PELI2: variants seen among roughly 807,000 people sequenced by gnomAD.
PELI2 encodes the protein E3 ubiquitin-protein ligase pellino homolog 2.
PELI2 carries 23 observed loss-of-function variants against 42.3 expected under a neutral mutation model. That is an observed-to-expected ratio of 0.54 (90% CI 0.39 to 0.77). The LOEUF (loss-of-function observed/expected upper bound fraction) is 0.77. PELI2 is among the 30% of genes least tolerant of loss of function. PELI2 has a pLI of 0.00. For missense variants in PELI2, 463 were observed against 553.2 expected (o/e 0.84, Z 1.64); for synonymous variants, 245 against 212.2 (o/e 1.15, Z -1.34).
At chr14:56,263,521 A>G (rs1161651066) in intron 2 of PELI2, among the ~76,000 whole-genome samples, 3 of 152,176 alleles carry the variant, frequency 2.0e-5, no homozygotes, top group Admixed American at 6.6e-5. Flanking sequence ...TATTCTGACA[A>G]TGTAGAAATA....
intron 2 of PELI2, among the ~76,000 whole-genome samples, chr14:56,198,289 A>C (rs537400159): frequency 6.6e-6 from 1 of 152,284 alleles, no homozygotes; most frequent in Middle Eastern, 3.4e-3. Context: ...AATTGGATAC[A>C]TGAATCTGGA....
At position 56,160,239 on chromosome 14, in the gene PELI2, C is replaced by A. The variant is rs569403525; in HGVS notation, c.78-18096C>A. ...TGTGAGCTAGTTAACTCTGCCCTTA[C>A]CTCCCCACACCACACTGTCCCAGAA... On this transcript the variant is annotated intron_variant, in intron 1 of 5. Coordinates refer to ENST00000267460, the MANE Select transcript of PELI2 (RefSeq NM_021255.3). Among the ~76,000 whole-genome samples the A allele has an allele frequency of 3.3e-3, 502 of 152,200 alleles. 1 individual carries two copies. The highest frequency in any genetic ancestry group is 6.0e-3 in the Non-Finnish European group (409 of 68,016).
chr14:56,264,744 A>G (rs1014976908), intron 2 of PELI2, among the ~76,000 whole-genome samples: 3 of 152,188 alleles, frequency 2.0e-5, no homozygotes, highest in Admixed American at 2.0e-4. Context: ...TAAGTGAGGT[A>G]TTTTTAAACA....
intron 1 of PELI2, among the ~76,000 whole-genome samples, chr14:56,123,642 G>A (rs543006407): frequency 6.6e-6 from 1 of 152,270 alleles, no homozygotes; most frequent in South Asian, 2.1e-4. Flanking sequence ...AACACACCAA[G>A]ACTGAAAGCT....
At chr14:56,258,398 A>G (rs566393328) in intron 2 of PELI2, among the ~76,000 whole-genome samples, 22 of 152,318 alleles carry the variant, frequency 1.4e-4, no homozygotes, top group Middle Eastern at 3.4e-3. Context: ...AAATAAATCA[A>G]TAGAAACAAA....
intron 2 of PELI2, among the ~76,000 whole-genome samples, chr14:56,276,728 T>C (rs1232534342): frequency 1.3e-5 from 2 of 152,204 alleles, no homozygotes. Flanking sequence ...ATCACAGCCC[T>C]TGGCTAGTAC....
chr14:56,205,095 C>T (rs61989893), intron 2 of PELI2, among the ~76,000 whole-genome samples: 34 of 151,072 alleles, frequency 2.3e-4, no homozygotes, highest in Non-Finnish European at 3.1e-4. Context: ...ACTCAGGCTG[C>T]GAGAGGTCAG....
chr14:56,162,025 G>T (rs1884783404), intron 1 of PELI2, among the ~76,000 whole-genome samples: 1 of 151,946 alleles, frequency 6.6e-6, no homozygotes, highest in African/African-American at 2.4e-5. Flanking sequence ...TATATTTAGG[G>T]GTACATGAGA....
intron 2 of PELI2, among the ~76,000 whole-genome samples, chr14:56,278,807 T>G (rs1447745926): frequency 6.6e-6 from 1 of 152,178 alleles, no homozygotes; most frequent in Non-Finnish European, 1.5e-5. Context: ...ATAGAAAAGC[T>G]TATTAAAATT....
At chr14:56,158,776 A>G (rs1884656727) in intron 1 of PELI2, among the ~76,000 whole-genome samples, 1 of 152,228 alleles carries the variant, frequency 6.6e-6, no homozygotes, top group African/African-American at 2.4e-5. Flanking sequence ...AAAATTGATC[A>G]TTAGAGATTA....
At chr14:56,164,975 T>C (rs1193371147) in intron 1 of PELI2, among the ~76,000 whole-genome samples, 1 of 151,944 alleles carries the variant, frequency 6.6e-6, no homozygotes, top group Non-Finnish European at 1.5e-5. Flanking sequence ...TGGTTTTTTT[T>C]TTTCAAAAAA....
chr14:56,264,972 T>TA (rs1449204175), intron 2 of PELI2, among the ~76,000 whole-genome samples: 3 of 152,142 alleles, frequency 2.0e-5, no homozygotes, highest in Non-Finnish European at 2.9e-5. Context: ...CAGAAACTTA[T>TA]AAAAACATTG....
At chr14:56,279,618 G>A in intron 2 of PELI2, 58 bp from the exon 3 acceptor site, 1 of 994,588 alleles carries the variant, frequency 1.0e-6, no homozygotes, top group South Asian at 1.4e-5. Flanking sequence ...ACTACAGGCA[G>A]AATTGATAAG....
chr14:56,170,545 G>A (rs115810895), intron 1 of PELI2, among the ~76,000 whole-genome samples: 338 of 152,258 alleles, frequency 2.2e-3, no homozygotes, highest in African/African-American at 7.8e-3. Context: ...TGTAGCTTTA[G>A]GTTCTGCCTG....
intron 1 of PELI2, among the ~76,000 whole-genome samples, chr14:56,136,900 T>C (rs138103355): frequency 6.6e-6 from 1 of 152,202 alleles, no homozygotes; most frequent in Non-Finnish European, 1.5e-5. Context: ...AGGATACATG[T>C]GGAGAAAAAC....
At chr14:56,134,146 A>C (rs1305008448) in intron 1 of PELI2, among the ~76,000 whole-genome samples, 1 of 152,212 alleles carries the variant, frequency 6.6e-6, no homozygotes, top group Non-Finnish European at 1.5e-5. Context: ...TCTGGTTATA[A>C]AGTGAGATGG....
intron 2 of PELI2, among the ~76,000 whole-genome samples, chr14:56,228,214 T>A (rs1887431042): frequency 6.6e-6 from 1 of 152,208 alleles, no homozygotes; most frequent in Non-Finnish European, 1.5e-5. Context: ...GCATTTCTAG[T>A]TTGTGACAGG....
chr14:56,183,488 A>G (rs1341198440), intron 2 of PELI2, among the ~76,000 whole-genome samples: 1 of 152,170 alleles, frequency 6.6e-6, no homozygotes, highest in Non-Finnish European at 1.5e-5. Flanking sequence ...GTTTAAAATA[A>G]TTTTCTGACA....
chr14:56,209,973 ATCT>A lies in PELI2; in HGVS notation c.207+31511_207+31513del, dbSNP rs140757971. ...AGTTAAACCCAGGATTCATGATTGG[ATCT>A]TGGACTGGAGGAAATGCAAATGATA... On this transcript the variant is annotated intron_variant, in intron 2 of 5. Transcript: ENST00000267460. 1.4e-3 allele frequency among the ~76,000 whole-genome samples: 207 copies of A among 152,332 alleles called. 3 individuals carry two copies. The East Asian group carries it at 0.03, about 22-fold the overall frequency.
Sources: gnomAD v4.1 joint callset for allele counts (sites outside exome capture counted in the v4.1 genomes callset) on GRCh38, gnomAD v4.1.1 for gene constraint, MANE v1.5 for transcripts, NCBI Gene and HGNC (gene_info 2026-07-23, HGNC 2026-07-21) for gene names.